The following INSM2 variants were observed in gnomAD, a reference collection of about 807,000 sequenced individuals.
The protein encoded by INSM2 is insulinoma-associated protein 2.
A neutral mutation model predicts 30.5 loss-of-function variants in INSM2; 12 were observed. That is an observed-to-expected ratio of 0.39 (90% confidence interval 0.25 to 0.64). The LOEUF is 0.64. INSM2 is among the 30% of genes least tolerant of loss of function. The probability of loss-of-function intolerance (pLI) is 0.47; values close to 1 mark genes in which losing one functional copy is unlikely to be tolerated. For missense variants in INSM2, 773 were observed against 819.2 expected (o/e 0.94, Z 0.69); for synonymous variants, 418 against 383.7 (o/e 1.09, Z -1.05).
In INSM2 at chr14:35,535,376, C is replaced by A. The variant is rs200125163; in HGVS notation, c.1124C>A (p.Ala375Glu). 34 of 1,611,182 alleles carry A rather than the reference C, an allele frequency of 2.1e-5. No individual in the cohort carries two copies. Among genetic ancestry groups the A allele is most frequent in the Middle Eastern group, 1.6e-4 (1 of 6,082 alleles). ...CCGCAGGCCAGGGACAGCTCCGGGG[C>A]GGATCAGCACCCGGACAGCGCCCCG... is the stretch of plus-strand genomic sequence containing the variant. ...QHPQARDSSG[A>E]DQHPDSAPRQ... Residue 375 changes from alanine to glutamate, a missense_variant, in exon 1 of 1, where the codon GCG becomes GAG. Transcript: ENST00000307169.
rs760248717 is a variant in INSM2 at position 35,534,463 on chromosome 14, G to A, written c.211G>A (p.Glu71Lys). The change falls in exon 1 of 1, where the codon GAA becomes AAA. Residue 71 changes from glutamate to lysine, a missense_variant. Physicochemically the swap from Glu to Lys is moderately conservative, Grantham distance 56 (BLOSUM62 1). Transcript: ENST00000307169. ...GGGGTTGACGGCGGAGGCGGCCCGG[G>A]AACAGTCGGGGTCGCCATGTCGGGC... ...GKGLTAEAAR[E>K]QSGSPCRAAG... is the part of the protein sequence containing the mutation. The A allele has an allele frequency of 3.4e-6, 5 of 1,460,614 alleles. No individual in the cohort carries two copies. In the South Asian group the frequency reaches 7.1e-5, roughly 21 times the overall value. The allele number at this position is 1,460,614 out of a possible 1,614,324, so 90.5% of individuals were successfully genotyped here.
rs755385128 is a variant in INSM2, at chr14:35,535,029, A to C, written c.777A>C (p.Pro259=). ...PSRGLGGSRT[P]LGEFICQLCK... ...GGGGCTTGGGGGGCAGCCGCACGCC[A>C]CTGGGGGAGTTCATCTGCCAGCTGT... The change falls in exon 1 of 1, where the codon CCA becomes CCC. Residue 259 remains proline, a synonymous_variant. Coordinates refer to ENST00000307169, the MANE Select transcript of INSM2 (RefSeq NM_032594.4). 1.2e-5 allele frequency: 19 copies of C among 1,585,230 alleles called. No individual in the cohort carries two copies. The highest frequency in any genetic ancestry group is 1.4e-5 in the Non-Finnish European group (16 of 1,165,708).
Position 35,535,063 on chromosome 14 carries a change from C to T in INSM2, c.811C>T (p.Gln271Ter). 1.3e-6 allele frequency: 2 copies of T among 1,597,546 alleles called. No individual in the cohort carries two copies. Among genetic ancestry groups the T allele is most frequent in the Non-Finnish European group, 8.5e-7 (1 of 1,171,326 alleles). The change falls in exon 1 of 1, where the codon CAG becomes TAG. Residue 271 changes from glutamine to a stop codon, truncating the protein, a stop_gained. Coordinates refer to ENST00000307169, the MANE Select transcript of INSM2 (RefSeq NM_032594.4). LOFTEE classifies it high-confidence loss of function. ...GEFICQLCKE[Q>*]YADPFALAQH... is the part of the protein sequence containing the mutation. ...GTTCATCTGCCAGCTGTGCAAGGAG[C>T]AGTACGCAGACCCCTTCGCGCTGGC... is the stretch of plus-strand genomic sequence containing the variant.
Position 35,534,183 on chromosome 14 carries a change from A to G in INSM2, c.-70A>G. ...AGCCGCGGCGAAGCTCTTCTAGTTC[A>G]TCTGCTGGCCGGCTCTCAGTCCCCG... On this transcript the variant is annotated 5_prime_UTR_variant, in exon 1 of 1. Coordinates refer to ENST00000307169, the MANE Select transcript of INSM2 (RefSeq NM_032594.4). 1 of 1,525,572 alleles carries G rather than the reference A, an allele frequency of 6.6e-7. No homozygotes were observed. Among genetic ancestry groups the G allele is most frequent in the East Asian group, 2.6e-5 (1 of 38,154 alleles). The allele number at this position is 1,525,572 out of a possible 1,614,324, so 94.5% of individuals were successfully genotyped here. A position where few individuals can be genotyped will look rare whatever the true frequency, so the allele number is the denominator to read the frequency against.
In INSM2 at chr14:35,536,007, G is replaced by T; in HGVS notation, c.*54G>T. 6.6e-7 allele frequency: 1 copy of T among 1,521,702 alleles called. No homozygotes were observed. The highest frequency in any genetic ancestry group is 8.8e-7 in the Non-Finnish European group (1 of 1,136,700). The allele number at this position is 1,521,702 out of a possible 1,614,324, so 94.3% of individuals were successfully genotyped here. A position where few individuals can be genotyped will look rare whatever the true frequency, so the allele number is the denominator to read the frequency against. On this transcript the variant is annotated 3_prime_UTR_variant, in exon 1 of 1. Transcript: ENST00000307169. ...TTGGCCTTAGAGGAAACAGATCATG[G>T]GAATTTCTGTGGGGCTTTCTTCAAC...
In INSM2 at chr14:35,535,398, C is replaced by T; in HGVS notation, c.1146C>T (p.Ala382=). Residue 382 remains alanine, a synonymous_variant, in exon 1 of 1, where the codon GCC becomes GCT. Transcript: ENST00000307169. ...GGGCGGATCAGCACCCGGACAGCGC[C>T]CCGAGGCAGGGCCTCCAGGTGCTGA... ...SSGADQHPDS[A]PRQGLQVLTH... is the part of the protein sequence containing the mutation. 1 of 1,611,640 alleles carries T rather than the reference C, an allele frequency of 6.2e-7. No individual in the cohort carries two copies. The highest frequency in any genetic ancestry group is 8.5e-7 in the Non-Finnish European group (1 of 1,179,208).
Position 35,534,430 on chromosome 14 carries a change from C to T in INSM2, c.178C>T (p.Pro60Ser). ...ERATPPTREE[P>S]GKGLTAEAAR... ...GGCGACACCCCCCACCCGAGAGGAA[C>T]CAGGAAAGGGGTTGACGGCGGAGGC... The change falls in exon 1 of 1, where the codon CCA becomes TCA. Residue 60 changes from proline to serine, a missense_variant. By Grantham distance (74) the Pro-to-Ser change is moderately conservative. Coordinates refer to ENST00000307169, the MANE Select transcript of INSM2 (RefSeq NM_032594.4). 6.7e-7 allele frequency: 1 copy of T among 1,493,836 alleles called. No homozygotes were observed. The highest frequency in any genetic ancestry group is 8.9e-7 in the Non-Finnish European group (1 of 1,129,024). The allele number at this position is 1,493,836 out of a possible 1,614,324, so 92.5% of individuals were successfully genotyped here. A position where few individuals can be genotyped will look rare whatever the true frequency, so the allele number is the denominator to read the frequency against.
rs754659711 is a variant in INSM2 at position 35,534,207 on chromosome 14, C to T, written c.-46C>T. On this transcript the variant is annotated 5_prime_UTR_variant, in exon 1 of 1. Coordinates refer to ENST00000307169, the MANE Select transcript of INSM2 (RefSeq NM_032594.4). ...CATCTGCTGGCCGGCTCTCAGTCCCCGTGGCGCCCCCTTTCCTCTTGTCCC... is the reference window on the plus strand; with the variant it reads ...CATCTGCTGGCCGGCTCTCAGTCCCTGTGGCGCCCCCTTTCCTCTTGTCCC... The T allele has an allele frequency of 2.9e-5, 45 of 1,548,114 alleles. No individual in the cohort carries two copies. The highest frequency in any genetic ancestry group is 3.7e-5 in the Non-Finnish European group (43 of 1,153,662).
At position 35,534,894 on chromosome 14, in the gene INSM2, G is replaced by C. The variant is rs776877072; in HGVS notation, c.642G>C (p.Ala214=). ...PTDCASGPAA[A]GIKKPKAMRK... ...ACTGCGCGTCTGGACCCGCGGCCGC[G>C]GGAATCAAGAAGCCAAAGGCCATGA... The change falls in exon 1 of 1, where the codon GCG becomes GCC. Residue 214 remains alanine, a synonymous_variant. Transcript: ENST00000307169. The C allele has an allele frequency of 6.3e-7, 1 of 1,589,950 alleles. No individual in the cohort carries two copies. The highest frequency in any genetic ancestry group is 1.8e-5 in the Admixed American group (1 of 55,906).
Position 35,534,257 on chromosome 14 carries a change from C to T in INSM2, c.5C>T (p.Pro2Leu). 2 of 1,593,232 alleles carry T rather than the reference C, an allele frequency of 1.3e-6. No homozygotes were observed. Among genetic ancestry groups the T allele is most frequent in the Non-Finnish European group, 1.7e-6 (2 of 1,170,872 alleles). Reference protein sequence around the residue: MPRGFLVKRTKR... With the variant: MLRGFLVKRTKR... Reference sequence around the variant, plus strand: ...CAGAGCGCTCTCGACTCCACCATGCCAAGGGGATTCCTGGTGAAGCGAACT... The same window carrying T: ...CAGAGCGCTCTCGACTCCACCATGCTAAGGGGATTCCTGGTGAAGCGAACT... Residue 2 changes from proline (P) to leucine (L), a missense_variant, in exon 1 of 1, where the codon CCA becomes CTA. Pro to Leu is a moderately conservative substitution (Grantham distance 98). Coordinates refer to ENST00000307169, the MANE Select transcript of INSM2 (RefSeq NM_032594.4).
chr14:35,535,461 G>A lies in INSM2; in HGVS notation c.1209G>A (p.Thr403=), dbSNP rs759113570. The A allele has an allele frequency of 6.8e-6, 11 of 1,612,950 alleles. No individual in the cohort carries two copies. The highest frequency in any genetic ancestry group is 5.3e-5 in the African/African-American group (4 of 74,948). ...CACCGCTGCCTCAGGGCCCCTACAC[G>A]GAGGGGGTGTTGGGGCGCCGGGTAC... The part of the protein sequence containing the change: ...PEPPLPQGPY[T]EGVLGRRVPV... Residue 403 remains threonine (T), a synonymous_variant, in exon 1 of 1, where the codon ACG becomes ACA. Coordinates refer to ENST00000307169, the MANE Select transcript of INSM2 (RefSeq NM_032594.4).
Position 35,534,316 on chromosome 14 carries a change from G to A in INSM2, c.64G>A (p.Ala22Thr). 2.5e-6 allele frequency: 4 copies of A among 1,593,684 alleles called. No homozygotes were observed. Among genetic ancestry groups the A allele is most frequent in the Non-Finnish European group, 3.4e-6 (4 of 1,170,910 alleles). Residue 22 changes from alanine (A) to threonine (T), a missense_variant, in exon 1 of 1, where the codon GCG becomes ACG. Ala to Thr is a moderately conservative substitution (Grantham distance 58, BLOSUM62 0). Coordinates refer to ENST00000307169, the MANE Select transcript of INSM2 (RefSeq NM_032594.4). Reference sequence around the variant, plus strand: ...AGGCGGCTTGTACCGAGTTCGCCTTGCGGAGCGTGTCTTCCCTCTGCTGGG... The same window carrying A: ...AGGCGGCTTGTACCGAGTTCGCCTTACGGAGCGTGTCTTCCCTCTGCTGGG... ...RTGGLYRVRL[A>T]ERVFPLLGPQ... is the part of the protein sequence containing the mutation.
At position 35,535,860 on chromosome 14, in the gene INSM2, C is replaced by T. The variant is rs762129496; in HGVS notation, c.1608C>T (p.Ser536=). Residue 536 remains serine (S), a synonymous_variant, in exon 1 of 1, where the codon AGC becomes AGT. Transcript: ENST00000307169. Reference sequence around the variant, plus strand: ...AGCACTGCCCGTCCACTTTTTTTAGCTCTCCAGGGCTGACCCGGCACATCA... The same window carrying T: ...AGCACTGCCCGTCCACTTTTTTTAGTTCTCCAGGGCTGACCCGGCACATCA... The part of the protein sequence containing the change: ...SCKHCPSTFF[S]SPGLTRHINK... 2 of 1,614,086 alleles carry T rather than the reference C, an allele frequency of 1.2e-6. No individual in the cohort carries two copies. Among genetic ancestry groups the T allele is most frequent in the African/African-American group, 1.3e-5 (1 of 75,084 alleles).
Position 35,535,012 on chromosome 14 carries a change from G to A in INSM2, c.760G>A (p.Gly254Arg), listed in dbSNP as rs765473156. 6.4e-6 allele frequency: 10 copies of A among 1,574,286 alleles called. No homozygotes were observed. Among genetic ancestry groups the A allele is most frequent in the Non-Finnish European group, 8.6e-6 (10 of 1,161,000 alleles). The change falls in exon 1 of 1, where the codon GGG (glycine) becomes AGG (arginine). Residue 254 changes from glycine to arginine, a missense_variant. Transcript: ENST00000307169. ...EEPGAPSRGL[G>R]GSRTPLGEFI... is the part of the protein sequence containing the mutation. ...GCCCGGAGCGCCGTCCCGGGGCTTG[G>A]GGGGCAGCCGCACGCCACTGGGGGA...
Position 35,534,519 on chromosome 14 carries a change from G to A in INSM2, c.267G>A (p.Arg89=), listed in dbSNP as rs551773653. 127 of 1,407,174 alleles carry A rather than the reference G, an allele frequency of 9.0e-5. No homozygotes were observed. In the East Asian group the frequency reaches 3.8e-3, roughly 42 times the overall value. 87.2% of individuals were successfully genotyped at this position (1,407,174 alleles called of 1,614,324 possible). A position where few individuals can be genotyped will look rare whatever the true frequency, so the allele number is the denominator to read the frequency against. ...AAGVSPGTGG[R]EGAEWRAGGR... ...GGGTGAGCCCGGGGACGGGCGGGCGGGAAGGCGCGGAGTGGCGGGCGGGTG... is the reference window on the plus strand; with the variant it reads ...GGGTGAGCCCGGGGACGGGCGGGCGAGAAGGCGCGGAGTGGCGGGCGGGTG... Residue 89 remains arginine (R), a synonymous_variant, in exon 1 of 1, where the codon CGG becomes CGA. Transcript: ENST00000307169.
rs2053585835 is a variant in INSM2, at chr14:35,534,990, C to T, written c.738C>T (p.Pro246=). Residue 246 remains proline, a synonymous_variant, in exon 1 of 1, where the codon CCC becomes CCT. Transcript: ENST00000307169. The part of the protein sequence containing the change: ...VLGLKIKEEE[P]GAPSRGLGGS... The stretch of plus-strand genomic sequence containing the variant: ...GCCTGAAGATCAAGGAGGAGGAGCC[C>T]GGAGCGCCGTCCCGGGGCTTGGGGG... 1.9e-6 allele frequency: 3 copies of T among 1,564,120 alleles called. No homozygotes were observed.
chr14:35,534,222 C>A lies in INSM2; in HGVS notation c.-31C>A. 1 of 1,561,560 alleles carries A rather than the reference C, an allele frequency of 6.4e-7. No homozygotes were observed. The highest frequency in any genetic ancestry group is 8.6e-7 in the Non-Finnish European group (1 of 1,159,462). ...TCTCAGTCCCCGTGGCGCCCCCTTT[C>A]CTCTTGTCCCAGAGCGCTCTCGACT... is the stretch of plus-strand genomic sequence containing the variant. On this transcript the variant is annotated 5_prime_UTR_variant, in exon 1 of 1. Transcript: ENST00000307169.
In INSM2 at chr14:35,535,280, C is replaced by T. The variant is rs1413261606; in HGVS notation, c.1028C>T (p.Ser343Phe). Residue 343 changes from serine to phenylalanine, a missense_variant, in exon 1 of 1, where the codon TCC becomes TTC. Physicochemically the swap from Ser to Phe is radical, Grantham distance 155 (BLOSUM62 -2). Coordinates refer to ENST00000307169, the MANE Select transcript of INSM2 (RefSeq NM_032594.4). Reference sequence around the variant, plus strand: ...TCGTCGTCTTCGTCCTCCCGGGACTCCGGGGCCATTGCATCTTTTCTGGCG... The same window carrying T: ...TCGTCGTCTTCGTCCTCCCGGGACTTCGGGGCCATTGCATCTTTTCTGGCG... ...PSSSSSSSRD[S>F]GAIASFLAEG... is the part of the protein sequence containing the mutation. The T allele has an allele frequency of 1.2e-6, 2 of 1,613,278 alleles. No homozygotes were observed. Among genetic ancestry groups the T allele is most frequent in the Non-Finnish European group, 1.7e-6 (2 of 1,179,858 alleles).
In INSM2 at chr14:35,534,881, G is replaced by T. The variant is rs772899453; in HGVS notation, c.629G>T (p.Gly210Val). 2.5e-6 allele frequency: 4 copies of T among 1,588,760 alleles called. No individual in the cohort carries two copies. Among genetic ancestry groups the T allele is most frequent in the Non-Finnish European group, 2.6e-6 (3 of 1,171,208 alleles). The part of the protein sequence containing the change: ...RGKAPTDCAS[G>V]PAAAGIKKPK... ...AAGGCACCCACGGACTGCGCGTCTG[G>T]ACCCGCGGCCGCGGGAATCAAGAAG... Residue 210 changes from glycine (G) to valine (V), a missense_variant, in exon 1 of 1, where the codon GGA becomes GTA. By Grantham distance (109) the Gly-to-Val change is moderately radical (BLOSUM62 -3). Transcript: ENST00000307169.
Sources: gnomAD v4.1 joint callset for allele counts on GRCh38, gnomAD v4.1.1 for gene constraint, MANE v1.5 for transcripts, NCBI Gene and HGNC (gene_info 2026-07-23, HGNC 2026-07-21) for gene names.